STAT1: variants seen among roughly 807,000 people sequenced by gnomAD.
The protein encoded by STAT1 is signal transducer and activator of transcription 1.
Under a neutral mutation model 111.7 loss-of-function variants are expected in STAT1, and 24 were observed. That is an observed-to-expected ratio of 0.21 (90% CI 0.16 to 0.30). STAT1 has a LOEUF of 0.30. STAT1 is among the 10% of genes least tolerant of loss of function. The probability of loss-of-function intolerance (pLI) is 1.00; values close to 1 mark genes in which losing one functional copy is unlikely to be tolerated. For missense variants in STAT1, 351 were observed against 911.9 expected (o/e 0.38, Z 7.92); for synonymous variants, 332 against 326.5 (o/e 1.02, Z -0.18).
At position 190,982,568 on chromosome 2, in the gene STAT1, A is replaced by T; in HGVS notation, c.1447-50T>A. ...AAGGGTTACTACAGAGACACCAGTC[A>T]CAAGTGTGGCACTAAAACATATGTC... is the stretch of plus-strand genomic sequence containing the variant. On this transcript the variant is annotated intron_variant, in intron 17 of 24. Transcript: ENST00000361099. This position sits in a 1 kb window ranked among gnomAD's most constrained non-coding sequence, Gnocchi z 7.3. 5 of 1,605,638 alleles carry T rather than the reference A, an allele frequency of 3.1e-6. No homozygotes were observed. Among genetic ancestry groups the T allele is most frequent in the Non-Finnish European group, 4.3e-6 (5 of 1,172,338 alleles).
rs1693515735 is a variant in STAT1 at position 190,993,135 on chromosome 2, A to C, written c.945-1815T>G. The C allele has an allele frequency of 2.3e-6, 1 of 431,556 alleles. No homozygotes were observed. Among genetic ancestry groups the C allele is most frequent in the Non-Finnish European group, 4.4e-6 (1 of 227,516 alleles). The allele number at this position is 431,556 out of a possible 1,614,324, so 26.7% of individuals were successfully genotyped here. On this transcript the variant is annotated intron_variant, in intron 10 of 24. Coordinates refer to ENST00000361099, the MANE Select transcript of STAT1 (RefSeq NM_007315.4). The surrounding 1 kb of genome is among the most constrained non-coding windows in gnomAD (Gnocchi z 4.1). ...GTTTCCAAAAACAGAATTCCAAGGG[A>C]ATCAGCAAATTCCTTGGCTGTTGTG...
In STAT1 at chr2:190,999,572, T is replaced by G; in HGVS notation, c.541+54A>C. ...AGGAGTAATCATCTTCGTTATCTAG[T>G]GTGAACAGAAAAAATTGCAGCCAAC... On this transcript the variant is annotated intron_variant, in intron 7 of 24. Transcript: ENST00000361099. The surrounding 1 kb of genome is among the most constrained non-coding windows in gnomAD (Gnocchi z 4.1). The G allele has an allele frequency of 8.3e-7, 1 of 1,204,494 alleles. No individual in the cohort carries two copies. The highest frequency in any genetic ancestry group is 1.2e-6 in the Non-Finnish European group (1 of 806,582). 74.6% of individuals were successfully genotyped at this position (1,204,494 alleles called of 1,614,324 possible). A position where few individuals can be genotyped will look rare whatever the true frequency, so the allele number is the denominator to read the frequency against.
rs907686925 is a variant in STAT1, at chr2:191,000,567, G to C, written c.462+507C>G. Among the ~76,000 whole-genome samples, 4 of 152,230 alleles carry C rather than the reference G, an allele frequency of 2.6e-5. No individual in the cohort carries two copies. Among genetic ancestry groups the C allele is most frequent in the Non-Finnish European group, 5.9e-5 (4 of 68,048 alleles). ...TAAATGCGCACCATCGAGGACGCCA[G>C]AGCAGCCCTCTGCTTCCATAAATTG... On this transcript the variant is annotated intron_variant, in intron 6 of 24. Coordinates refer to ENST00000361099, the MANE Select transcript of STAT1 (RefSeq NM_007315.4). This position sits in a 1 kb window ranked among gnomAD's most constrained non-coding sequence, Gnocchi z 4.8.
Position 191,000,047 on chromosome 2 carries a change from C to T in STAT1, c.463-343G>A, listed in dbSNP as rs529935622. ...ACTCCACTGTGAAGCCCACAGCAGG[C>T]GGGGAAAAAGCTCACAGAAAATTTC... On this transcript the variant is annotated intron_variant, in intron 6 of 24. Coordinates refer to ENST00000361099, the MANE Select transcript of STAT1 (RefSeq NM_007315.4). The surrounding 1 kb of genome is among the most constrained non-coding windows in gnomAD (Gnocchi z 4.8). Among the ~76,000 whole-genome samples the T allele has an allele frequency of 1.6e-4, 25 of 152,276 alleles. No individual in the cohort carries two copies. The highest frequency in any genetic ancestry group is 1.0e-3 in the Admixed American group (16 of 15,298).
In STAT1 at chr2:191,006,055, A is replaced by G; in HGVS notation, c.372+1508T>C. Among the ~76,000 whole-genome samples, 1 of 152,242 alleles carries G rather than the reference A, an allele frequency of 6.6e-6. No homozygotes were observed. The highest frequency in any genetic ancestry group is 2.4e-5 in the African/African-American group (1 of 41,468). On this transcript the variant is annotated intron_variant, in intron 5 of 24. Transcript: ENST00000361099. This position sits in a 1 kb window ranked among gnomAD's most constrained non-coding sequence, Gnocchi z 4.6. ...GGTCACCTACTCTGCTGCCAATGCC[A>G]TCTCTGGGCCAAGGGGCCAAATGTG...
rs931304678 is a variant in STAT1, at chr2:191,000,349, T to C, written c.463-645A>G. 8.5e-5 allele frequency among the ~76,000 whole-genome samples: 13 copies of C among 152,300 alleles called. No individual in the cohort carries two copies. Among genetic ancestry groups the C allele is most frequent in the African/African-American group, 2.9e-4 (12 of 41,558 alleles). On this transcript the variant is annotated intron_variant, in intron 6 of 24. Coordinates refer to ENST00000361099, the MANE Select transcript of STAT1 (RefSeq NM_007315.4). The surrounding 1 kb of genome is among the most constrained non-coding windows in gnomAD (Gnocchi z 4.8). ...AATGTTTCCCTAGGAGACCGCAAGA[T>C]GAAGTTGCTCCAAAGAATGTGGAGT...
intron 3 of STAT1, among the ~76,000 whole-genome samples, chr2:191,009,666 T>C (rs1308465289): frequency 1.3e-5 from 2 of 152,224 alleles, no homozygotes; most frequent in African/African-American, 4.8e-5. Flanking sequence ...TGTATAAAAG[T>C]GCTTAATGAC....
Position 190,980,724 on chromosome 2 carries a change from G to C in STAT1, c.1583-55C>G. ...AAACAGAAACTGATTCTAAAGCTTT[G>C]GTTGGACGGATGGCTCTTGTATTTG... On this transcript the variant is annotated intron_variant, in intron 18 of 24. Coordinates refer to ENST00000361099, the MANE Select transcript of STAT1 (RefSeq NM_007315.4). This position sits in a 1 kb window ranked among gnomAD's most constrained non-coding sequence, Gnocchi z 6.1. 1 of 1,558,894 alleles carries C rather than the reference G, an allele frequency of 6.4e-7. No individual in the cohort carries two copies. Among genetic ancestry groups the C allele is most frequent in the Non-Finnish European group, 8.8e-7 (1 of 1,130,352 alleles).
rs1692390942 is a variant in STAT1 at position 190,981,505 on chromosome 2, A to T, written c.1583-836T>A. 6.6e-6 allele frequency among the ~76,000 whole-genome samples: 1 copy of T among 152,252 alleles called. No homozygotes were observed. Among genetic ancestry groups the T allele is most frequent in the Non-Finnish European group, 1.5e-5 (1 of 68,040 alleles). ...CTTCAAAGAGAACTACAAATGAGCC[A>T]TTACAGCTAGAAAAGATATCCTTCT... On this transcript the variant is annotated intron_variant, in intron 18 of 24. Coordinates refer to ENST00000361099, the MANE Select transcript of STAT1 (RefSeq NM_007315.4). The surrounding 1 kb of genome is among the most constrained non-coding windows in gnomAD (Gnocchi z 4.1).
At chr2:191,009,439 T>C (rs562218953) in intron 3 of STAT1, among the ~76,000 whole-genome samples, 25 of 152,172 alleles carry the variant, frequency 1.6e-4, no homozygotes, top group Non-Finnish European at 2.4e-4. Context: ...AAATAATAAA[T>C]TTTAAAGTAG....
chr2:190,973,400 C>A lies in STAT1; in HGVS notation c.2238+1430G>T, dbSNP rs1691653253. ...CCCACATCTGTCAAAGTAGGAATAA[C>A]AATAACACCTAACTCAGAAGGTGGC... On this transcript the variant is annotated intron_variant, in intron 24 of 24. Transcript: ENST00000361099. This position sits in a 1 kb window ranked among gnomAD's most constrained non-coding sequence, Gnocchi z 4.4. Among the ~76,000 whole-genome samples the A allele has an allele frequency of 6.6e-6, 1 of 152,172 alleles. No individual in the cohort carries two copies. The highest frequency in any genetic ancestry group is 2.4e-5 in the African/African-American group (1 of 41,442).
Position 190,999,435 on chromosome 2 carries a change from G to A in STAT1, c.541+191C>T, listed in dbSNP as rs1328555660. Among the ~76,000 whole-genome samples the A allele has an allele frequency of 6.6e-6, 1 of 152,112 alleles. No homozygotes were observed. Among genetic ancestry groups the A allele is most frequent in the African/African-American group, 2.4e-5 (1 of 41,392 alleles). ...GCTGTTAAACACGCTACAATGCCAG[G>A]ACAGCCCCAACAACAAATTAGCCCG... On this transcript the variant is annotated intron_variant, in intron 7 of 24. Coordinates refer to ENST00000361099, the MANE Select transcript of STAT1 (RefSeq NM_007315.4). This position sits in a 1 kb window ranked among gnomAD's most constrained non-coding sequence, Gnocchi z 4.1.
Position 190,989,777 on chromosome 2 carries a change from A to G in STAT1, c.1038-103T>C. ...CGTTTAGATAAACTACTCCCCCTCC[A>G]GTTTTAGGGTATTACCAACAAAAAA... On this transcript the variant is annotated intron_variant, in intron 11 of 24. Transcript: ENST00000361099. This position sits in a 1 kb window ranked among gnomAD's most constrained non-coding sequence, Gnocchi z 5.0. The G allele has an allele frequency of 1.3e-6, 1 of 790,724 alleles. No individual in the cohort carries two copies. Among genetic ancestry groups the G allele is most frequent in the Non-Finnish European group, 2.1e-6 (1 of 479,246 alleles). The allele number at this position is 790,724 out of a possible 1,614,324, so 49.0% of individuals were successfully genotyped here.
In STAT1 at chr2:190,981,169, T is replaced by C. The variant is rs1358998787; in HGVS notation, c.1583-500A>G. Among the ~76,000 whole-genome samples the C allele has an allele frequency of 1.3e-5, 2 of 152,186 alleles. No individual in the cohort carries two copies. The highest frequency in any genetic ancestry group is 4.8e-5 in the African/African-American group (2 of 41,446). On this transcript the variant is annotated intron_variant, in intron 18 of 24. Coordinates refer to ENST00000361099, the MANE Select transcript of STAT1 (RefSeq NM_007315.4). The surrounding 1 kb of genome is among the most constrained non-coding windows in gnomAD (Gnocchi z 4.1). Reference sequence around the variant, plus strand: ...GAGAAGCCTCCCTATCCAGTGCCTCTTCCCACTGCCTTCCTCTGCTGCTCA... The same window carrying C: ...GAGAAGCCTCCCTATCCAGTGCCTCCTCCCACTGCCTTCCTCTGCTGCTCA...
In STAT1 at chr2:190,970,522, T is replaced by C. The variant is rs537942049; in HGVS notation, c.*181A>G. On this transcript the variant is annotated 3_prime_UTR_variant, in exon 25 of 25. Coordinates refer to ENST00000361099, the MANE Select transcript of STAT1 (RefSeq NM_007315.4). The surrounding 1 kb of genome is among the most constrained non-coding windows in gnomAD (Gnocchi z 5.4). ...CCTTCAGTAAGATGCATGATGCCCTTCAGAGTAACTGATGTTTCTGAGTTA... is the reference window on the plus strand; with the variant it reads ...CCTTCAGTAAGATGCATGATGCCCTCCAGAGTAACTGATGTTTCTGAGTTA... 2.8e-5 allele frequency: 20 copies of C among 707,078 alleles called. 1 individual carries two copies. In the South Asian group the frequency reaches 3.0e-4, roughly 11 times the overall value. 43.8% of individuals were successfully genotyped at this position (707,078 alleles called of 1,614,324 possible). A position where few individuals can be genotyped will look rare whatever the true frequency, so the allele number is the denominator to read the frequency against.
Position 190,978,719 on chromosome 2 carries a change from G to T in STAT1, c.1873+137C>A. Reference sequence around the variant, plus strand: ...TTGTGGTGGTTTATTAAATCCTATCGGGGGCTCATTTGGGGTAAGTATAAG... The same window carrying T: ...TTGTGGTGGTTTATTAAATCCTATCTGGGGCTCATTTGGGGTAAGTATAAG... On this transcript the variant is annotated intron_variant, in intron 21 of 24. Transcript: ENST00000361099. The surrounding 1 kb of genome is among the most constrained non-coding windows in gnomAD (Gnocchi z 6.1). 9.3e-7 allele frequency: 1 copy of T among 1,070,248 alleles called. No homozygotes were observed. Among genetic ancestry groups the T allele is most frequent in the Non-Finnish European group, 1.4e-6 (1 of 722,474 alleles). The allele number at this position is 1,070,248 out of a possible 1,614,324, so 66.3% of individuals were successfully genotyped here.
chr2:190,979,666 T>A lies in STAT1; in HGVS notation c.1727+106A>T, dbSNP rs1692204354. ...GGCAGCCTATAAATGCGCACTCCTGTGAGATTCACACACGCCTAGTCAAAT... is the reference window on the plus strand; with the variant it reads ...GGCAGCCTATAAATGCGCACTCCTGAGAGATTCACACACGCCTAGTCAAAT... On this transcript the variant is annotated intron_variant, in intron 20 of 24. Transcript: ENST00000361099. The surrounding 1 kb of genome is among the most constrained non-coding windows in gnomAD (Gnocchi z 5.8). 2 of 910,164 alleles carry A rather than the reference T, an allele frequency of 2.2e-6. No homozygotes were observed. Among genetic ancestry groups the A allele is most frequent in the Non-Finnish European group, 3.6e-6 (2 of 549,242 alleles). 56.4% of individuals were successfully genotyped at this position (910,164 alleles called of 1,614,324 possible).
chr2:190,972,841 G>A (rs1013570528), intron 24 of STAT1, among the ~76,000 whole-genome samples: 2 of 150,872 alleles, frequency 1.3e-5, no homozygotes, highest in African/African-American at 2.4e-5. Context: ...GTGTGTGTGT[G>A]TGTGTGTGTG....
rs1314365886 is a variant in STAT1 at position 190,995,302 on chromosome 2, C to T, written c.786-83G>A. 1 of 1,331,120 alleles carries T rather than the reference C, an allele frequency of 7.5e-7. No individual in the cohort carries two copies. The highest frequency in any genetic ancestry group is 1.4e-5 in the African/African-American group (1 of 69,292). The allele number at this position is 1,331,120 out of a possible 1,614,324, so 82.5% of individuals were successfully genotyped here. On this transcript the variant is annotated intron_variant, in intron 9 of 24. Transcript: ENST00000361099. This position sits in a 1 kb window ranked among gnomAD's most constrained non-coding sequence, Gnocchi z 4.2. ...TTAAAGGGAATCATGGTATATTAGT[C>T]CATTCTCATGCTGCTAATAAAGACA...
Sources: gnomAD v4.1 joint callset for allele counts (sites outside exome capture counted in the v4.1 genomes callset) on GRCh38, gnomAD v4.1.1 for gene constraint, Gnocchi (gnomAD v3.1) non-coding constraint, MANE v1.5 for transcripts, NCBI Gene and HGNC (gene_info 2026-07-23, HGNC 2026-07-21) for gene names.